The following ARFRP1 variants were observed in gnomAD, a reference collection of about 807,000 sequenced individuals.
ARFRP1 encodes the protein ADP-ribosylation factor-related protein 1.
A neutral mutation model predicts 30.3 loss-of-function variants in ARFRP1; 19 were observed. The ratio of observed to expected loss-of-function variants is 0.63; its 90% CI spans 0.44 to 0.92. The LOEUF is 0.92. ARFRP1 is among the 40% of genes least tolerant of loss of function. ARFRP1 has a pLI of 0.00. For synonymous variants in ARFRP1, 133 were observed against 114.2 expected (o/e 1.16, Z -1.05); for missense variants, 245 against 267.5 (o/e 0.92, Z 0.59).
intron 6 of ARFRP1, 47 bp downstream of exon 6, chr20:63,701,783 G>GGCTGGGGACTCGGGAAGCT: frequency 6.5e-7 from 1 of 1,528,340 alleles, no homozygotes; most frequent in African/African-American, 1.4e-5. Context: ...CTGTGGGGGA[G>GGCTGGGGACTCGGGAAGCT]GCTGGGGACT....
chr20:63,700,901 T>C (rs984288400), intron 6 of ARFRP1, 199 bp from the exon 7 acceptor site: 19 of 678,086 alleles, frequency 2.8e-5, no homozygotes, highest in Non-Finnish European at 3.9e-5. Flanking sequence ...TGGTAGTGCC[T>C]GAGACAAACT....
intron 4 of ARFRP1, chr20:63,703,820 G>C (rs907653061): frequency 6.6e-6 from 1 of 152,508 alleles, no homozygotes; most frequent in African/African-American, 2.4e-5. Context: ...GGCCGCAGTG[G>C]ACGGGAGCGA....
intron 6 of ARFRP1, chr20:63,701,151 C>A (rs1044205392): frequency 2.2e-6 from 1 of 456,608 alleles, no homozygotes; most frequent in African/African-American, 2.0e-5. Context: ...GCAGCCCTCC[C>A]CTCCCCTTTT....
At position 63,700,200 on chromosome 20, in the gene ARFRP1, G is replaced by A. The variant is rs537800988; in HGVS notation, c.*243C>T. 8.5e-5 allele frequency: 48 copies of A among 563,468 alleles called. No homozygotes were observed. Among genetic ancestry groups the A allele is most frequent in the South Asian group, 7.0e-4 (35 of 49,890 alleles). The allele number at this position is 563,468 out of a possible 1,614,324, so 34.9% of individuals were successfully genotyped here. A position where few individuals can be genotyped will look rare whatever the true frequency, so the allele number is the denominator to read the frequency against. On this transcript the variant is annotated 3_prime_UTR_variant, in exon 8 of 8. Coordinates refer to ENST00000622789, the MANE Select transcript of ARFRP1 (RefSeq NM_001267547.3). ...AAGGGCCTCGAAAGGCCGCCGCTGC[G>A]CCCTGTGGAAAGGCTGCCGCTGCAG...
chr20:63,706,800 T>C, intron 2 of ARFRP1, 62 bp from the exon 3 acceptor site: 1 of 1,412,290 alleles, frequency 7.1e-7, no homozygotes, highest in East Asian at 2.3e-5. Context: ...CCAAATATCC[T>C]TACTCAGGTC....
chr20:63,706,098 C>G (rs1201162233), intron 4 of ARFRP1: 3 of 442,312 alleles, frequency 6.8e-6, no homozygotes, highest in Non-Finnish European at 1.3e-5. Flanking sequence ...GTGATTCTTT[C>G]CCTGGAATTC....
chr20:63,706,484 G>T lies in ARFRP1; in HGVS notation c.182-45C>A. 3 of 1,586,558 alleles carry T rather than the reference G, an allele frequency of 1.9e-6. No homozygotes were observed. In the South Asian group the frequency reaches 3.3e-5, roughly 18 times the overall value. ...GGCAAGGCTCATGACCTTGGTCCTCGACACACCCAGTCCCAGCTCTCCCAG... is the reference window on the plus strand; with the variant it reads ...GGCAAGGCTCATGACCTTGGTCCTCTACACACCCAGTCCCAGCTCTCCCAG... On this transcript the variant is annotated intron_variant, in intron 3 of 7. Transcript: ENST00000622789.
chr20:63,700,565 G>C (rs569900792), intron 7 of ARFRP1, 35 bp from the exon 8 acceptor site: 1 of 1,610,368 alleles, frequency 6.2e-7, no homozygotes, highest in South Asian at 1.1e-5. Context: ...GGGGGGTCTC[G>C]GTCCCCAAAG....
intron 2 of ARFRP1, 107 bp downstream of exon 2, chr20:63,706,892 T>G: frequency 7.3e-7 from 1 of 1,368,090 alleles, no homozygotes; most frequent in South Asian, 1.2e-5. Flanking sequence ...CCGTCTCAGG[T>G]GAAATTTGGC....
chr20:63,701,808 G>T, intron 6 of ARFRP1, 22 bp downstream of exon 6: 1 of 1,548,868 alleles, frequency 6.5e-7, no homozygotes, highest in Non-Finnish European at 8.7e-7. Context: ...AAGCTGCTGC[G>T]GGAGGCAGGG....
chr20:63,703,055 G>GA (rs1349019399), intron 4 of ARFRP1: 2 of 152,378 alleles, frequency 1.3e-5, no homozygotes, highest in East Asian at 1.9e-4. Context: ...ATCTCAATCA[G>GA]AAAAAAACAC....
rs145589861 is a variant in ARFRP1 at position 63,706,402 on chromosome 20, G to A, written c.219C>T (p.Phe73=). 36 of 1,613,322 alleles carry A rather than the reference G, an allele frequency of 2.2e-5. No individual in the cohort carries two copies. In the African/African-American group the frequency reaches 4.4e-4, roughly 20 times the overall value. ...TVDVGKARLM[F]WDLGGQEELQ... ...GCTCTTCCTGCCCTCCTAAGTCCCA[G>A]AACATGAGCCGAGCCTTTCCCACAT... Residue 73 remains phenylalanine, a synonymous_variant, in exon 4 of 8, where the codon TTC becomes TTT. Coordinates refer to ENST00000622789, the MANE Select transcript of ARFRP1 (RefSeq NM_001267547.3).
chr20:63,701,081 T>C (rs765848489), intron 6 of ARFRP1: 11 of 402,396 alleles, frequency 2.7e-5, no homozygotes, highest in Non-Finnish European at 5.6e-5. Flanking sequence ...GCATCAGTGA[T>C]GGAGGCAGTC....
intron 6 of ARFRP1, chr20:63,701,245 G>A (rs1205704928): frequency 1.9e-6 from 1 of 530,688 alleles, no homozygotes; most frequent in South Asian, 1.4e-5. Flanking sequence ...ACAGGCTGGG[G>A]GCAACAGAGC....
rs940931283 is a variant in ARFRP1 at position 63,702,578 on chromosome 20, C to T, written c.265-361G>A. Reference sequence around the variant, plus strand: ...CAACCTGGGCAACACAGTGAGACTCCGTCTGTACAAAAGCTTATGGTAATG... The same window carrying T: ...CAACCTGGGCAACACAGTGAGACTCTGTCTGTACAAAAGCTTATGGTAATG... On this transcript the variant is annotated intron_variant, in intron 4 of 7. Transcript: ENST00000622789. 2.0e-5 allele frequency: 6 copies of T among 299,798 alleles called. No homozygotes were observed. In the East Asian group the frequency reaches 4.3e-4, roughly 21 times the overall value. 18.6% of individuals were successfully genotyped at this position (299,798 alleles called of 1,614,324 possible).
At chr20:63,701,974 G>A (rs900735788) in intron 5 of ARFRP1, 74 bp from the exon 6 acceptor site, 1 of 1,344,414 alleles carries the variant, frequency 7.4e-7, no homozygotes, top group Non-Finnish European at 1.0e-6. Context: ...CACAGGCGTG[G>A]ACACTGTGAC....
At chr20:63,705,739 TCA>T (rs1421599818) in intron 4 of ARFRP1, 1 of 533,030 alleles carries the variant, frequency 1.9e-6, no homozygotes, top group African/African-American at 1.9e-5. Context: ...AAGGAGGCAC[TCA>T]CTTTGGAGGA....
intron 5 of ARFRP1, 76 bp downstream of exon 5, chr20:63,702,060 C>T: frequency 6.6e-7 from 1 of 1,514,720 alleles, no homozygotes; most frequent in Non-Finnish European, 9.1e-7. Context: ...GAGCCTGCCC[C>T]AGGCACAGAG....
Position 63,700,879 on chromosome 20 carries a change from G to A in ARFRP1, c.418-177C>T, listed in dbSNP as rs2091171661. On this transcript the variant is annotated intron_variant, in intron 6 of 7. Coordinates refer to ENST00000622789, the MANE Select transcript of ARFRP1 (RefSeq NM_001267547.3). ...GTGAGGACCCTGTGCTCAGCCCGAG[G>A]CTGAACATGGCTGGTAGTGCCTGAG... 12 of 798,330 alleles carry A rather than the reference G, an allele frequency of 1.5e-5. No homozygotes were observed. In the South Asian group the frequency reaches 2.2e-4, roughly 14 times the overall value. The allele number at this position is 798,330 out of a possible 1,614,324, so 49.5% of individuals were successfully genotyped here.
Sources: gnomAD v4.1 joint callset for allele counts on GRCh38, gnomAD v4.1.1 for gene constraint, MANE v1.5 for transcripts, NCBI Gene and HGNC (gene_info 2026-07-23, HGNC 2026-07-21) for gene names.